Variants in NTRK3 observed in about 807,000 individuals in gnomAD.
The protein encoded by NTRK3 is NT-3 growth factor receptor.
NTRK3 carries 24 observed loss-of-function variants against 91.7 expected under a neutral mutation model. The ratio of observed to expected loss-of-function variants is 0.26; its 90% CI spans 0.19 to 0.37. The LOEUF (loss-of-function observed/expected upper bound fraction) is 0.37. Among genes scored for constraint, NTRK3 ranks in the 10% least tolerant of loss-of-function variants. The probability of loss-of-function intolerance (pLI) is 1.00; values close to 1 mark genes in which losing one functional copy is unlikely to be tolerated. For synonymous variants in NTRK3, 483 were observed against 404.0 expected, an observed-to-expected ratio of 1.20 and a Z score of -2.34; for missense variants, 880 against 1,068.9, an observed-to-expected ratio of 0.82 and a Z score of 2.46.
chr15:87,861,892 CA>C (rs2064535902), exon 19 of NTRK3: 2 of 214,256 alleles, frequency 9.3e-6, no homozygotes, highest in Admixed American at 1.2e-4. Context: ...AGTCTCAGGC[CA>C]CATTTCCCCC....
At chr15:88,144,707 G>A (rs1282443501) in intron 6 of NTRK3, among the ~76,000 whole-genome samples, 1 of 152,062 alleles carries the variant, frequency 6.6e-6, no homozygotes. Flanking sequence ...TGTAACACTG[G>A]TCACACTGCT....
intron 14 of NTRK3, among the ~76,000 whole-genome samples, chr15:87,985,234 C>T (rs2074650230): frequency 6.6e-6 from 1 of 152,158 alleles, no homozygotes. Context: ...AAGCATAATG[C>T]TGGAAAAAGC....
chr15:87,928,670 G>C (rs2068532517), intron 17 of NTRK3: 1 of 198,046 alleles, frequency 5.0e-6, no homozygotes, highest in Admixed American at 5.3e-5. Context: ...ATAATGCTCA[G>C]CAATATATTA....
chr15:88,211,728 C>T (rs1234185357), intron 3 of NTRK3, among the ~76,000 whole-genome samples: 1 of 152,166 alleles, frequency 6.6e-6, no homozygotes, highest in Non-Finnish European at 1.5e-5. Flanking sequence ...GGAAACAAAT[C>T]AAGTCACTAC....
chr15:88,073,627 A>G (rs1389761541), intron 13 of NTRK3, among the ~76,000 whole-genome samples: 1 of 152,178 alleles, frequency 6.6e-6, no homozygotes, highest in Non-Finnish European at 1.5e-5. Context: ...CTGCCCAGGT[A>G]CAAAATAATG....
chr15:87,897,817 T>A (rs1401523309), intron 17 of NTRK3, among the ~76,000 whole-genome samples: 2 of 149,026 alleles, frequency 1.3e-5, no homozygotes, highest in Non-Finnish European at 2.9e-5. Flanking sequence ...AATTATAACA[T>A]ATCAGAATTA....
intron 3 of NTRK3, among the ~76,000 whole-genome samples, chr15:88,209,000 G>C (rs1331385753): frequency 6.6e-6 from 1 of 152,196 alleles, no homozygotes; most frequent in African/African-American, 2.4e-5. Flanking sequence ...ACCAGGTACT[G>C]CCCACAGCAA....
intron 13 of NTRK3, among the ~76,000 whole-genome samples, chr15:88,048,921 T>C (rs2080522462): frequency 6.6e-6 from 1 of 152,178 alleles, no homozygotes; most frequent in Admixed American, 6.5e-5. Context: ...GGTGTCACCT[T>C]ATCTCTGTGA....
chr15:87,880,239 C>A, intron 18 of NTRK3, 31 bp downstream of exon 19: 1 of 1,613,788 alleles, frequency 6.2e-7, no homozygotes, highest in Non-Finnish European at 8.5e-7. Context: ...AGCCCTCCCC[C>A]AATCAAGATT....
At chr15:88,102,649 T>TTA in intron 13 of NTRK3, among the ~76,000 whole-genome samples, 3 of 152,194 alleles carry the variant, frequency 2.0e-5, no homozygotes, top group Non-Finnish European at 4.4e-5. Flanking sequence ...TATATATCCA[T>TTA]GATAATTAAA....
chr15:88,059,028 C>T (rs1001402333), intron 13 of NTRK3, among the ~76,000 whole-genome samples: 4 of 150,506 alleles, frequency 2.7e-5, no homozygotes, highest in African/African-American at 9.8e-5. Flanking sequence ...GTGCATGGCC[C>T]CTTTATTTCA....
intron 5 of NTRK3, among the ~76,000 whole-genome samples, chr15:88,156,422 T>C (rs1172899787): frequency 6.6e-6 from 1 of 152,102 alleles, no homozygotes; most frequent in African/African-American, 2.4e-5. Context: ...GACATCAGCC[T>C]CCTGTTTCCA....
intron 13 of NTRK3, among the ~76,000 whole-genome samples, chr15:88,115,559 G>T (rs2051952991): frequency 6.6e-6 from 1 of 152,218 alleles, no homozygotes; most frequent in South Asian, 2.1e-4. Flanking sequence ...TTCTGCCCCT[G>T]CCTGGGAACA....
intron 3 of NTRK3, among the ~76,000 whole-genome samples, chr15:88,203,083 T>A (rs1180703641): frequency 1.3e-5 from 2 of 152,302 alleles, no homozygotes; most frequent in South Asian, 2.1e-4. Flanking sequence ...CAGGGCTTAA[T>A]ACCCCAGGAG....
exon 8 of NTRK3, chr15:88,136,537 T>A (rs745581273): frequency 6.2e-7 from 1 of 1,613,998 alleles, no homozygotes; most frequent in Non-Finnish European, 8.5e-7. Flanking sequence ...TCCAGAGCCA[T>A]TGCAAGTGAT....
chr15:88,245,438 GT>G (rs1401146691), intron 3 of NTRK3, among the ~76,000 whole-genome samples: 1 of 152,202 alleles, frequency 6.6e-6, no homozygotes, highest in Non-Finnish European at 1.5e-5. Context: ...TTTAAACTGA[GT>G]TTTTTGACCA....
chr15:88,164,441 C>T (rs1340557176), intron 5 of NTRK3, among the ~76,000 whole-genome samples: 5 of 152,216 alleles, frequency 3.3e-5, no homozygotes, highest in Admixed American at 3.3e-4. Context: ...TGATTTTACT[C>T]CTTATTCTCC....
intron 13 of NTRK3, among the ~76,000 whole-genome samples, chr15:88,092,021 G>T (rs1482194946): frequency 6.6e-6 from 1 of 152,164 alleles, no homozygotes; most frequent in African/African-American, 2.4e-5. Flanking sequence ...CCATCTCACA[G>T]TAGATCACAC....
intron 13 of NTRK3, among the ~76,000 whole-genome samples, chr15:88,106,914 C>A (rs1166118642): frequency 6.8e-6 from 1 of 146,440 alleles, no homozygotes; most frequent in East Asian, 2.0e-4. Context: ...ACCTGGGAGA[C>A]AGAGCAAGAC....
Sources: gnomAD v4.1 joint callset for allele counts (sites outside exome capture counted in the v4.1 genomes callset) on GRCh38, gnomAD v4.1.1 for gene constraint, MANE v1.5 for transcripts, NCBI Gene and HGNC (gene_info 2026-07-23, HGNC 2026-07-21) for gene names.